Variants in MCF2L observed in about 807,000 individuals in gnomAD.
The protein encoded by MCF2L is guanine nucleotide exchange factor DBS.
A neutral mutation model predicts 153.4 loss-of-function variants in MCF2L; 97 were observed. The ratio of observed to expected loss-of-function variants is 0.63; its 90% CI spans 0.54 to 0.75. MCF2L has a LOEUF of 0.75. Among genes scored for constraint, MCF2L ranks in the 30% least tolerant of loss-of-function variants. The pLI, the probability that MCF2L is intolerant of heterozygous loss-of-function variation, is 0.00. For missense variants in MCF2L, 1,347 were observed against 1,495.2 expected, an observed-to-expected ratio of 0.90 and a Z score of 1.64; for synonymous variants, 659 against 632.2, an observed-to-expected ratio of 1.04 and a Z score of -0.64.
intron 2 of MCF2L, among the ~76,000 whole-genome samples, chr13:112,959,520 G>T (rs370756704): frequency 1.6e-4 from 25 of 152,116 alleles, no homozygotes; most frequent in East Asian, 9.6e-4. Context: ...GGGTCATCCT[G>T]GGGGGAGAAC....
intron 1 of MCF2L, among the ~76,000 whole-genome samples, chr13:112,895,648 G>A (rs777025409): frequency 4.6e-5 from 7 of 152,186 alleles, no homozygotes; most frequent in Non-Finnish European, 7.3e-5. Flanking sequence ...ACGGGACCCC[G>A]GGAGCCTGTG....
In MCF2L at chr13:112,943,915, A is replaced by T. The variant is rs1425769426; in HGVS notation, c.169+41544A>T. Among the ~76,000 whole-genome samples the T allele has an allele frequency of 6.6e-6, 1 of 150,658 alleles. No individual in the cohort carries two copies. Among genetic ancestry groups the T allele is most frequent in the African/African-American group, 2.5e-5 (1 of 40,256 alleles). ...AGAGGGAGACGCTCTCGGGCCTCTC[A>T]GACCAGCATTGAGGAGCTGAGCCCT... On this transcript the variant is annotated intron_variant, in intron 2 of 29. Coordinates refer to the MCF2L transcript ENST00000375608. The surrounding 1 kb of genome is among the most constrained non-coding windows in gnomAD (Gnocchi z 4.2).
chr13:112,966,864 G>C (rs2081899334), upstream of MCF2L, among the ~76,000 whole-genome samples: 1 of 152,214 alleles, frequency 6.6e-6, no homozygotes, highest in Non-Finnish European at 1.5e-5. This position sits in a 1 kb window ranked among gnomAD's most constrained non-coding sequence, Gnocchi z 4.1. Flanking sequence ...AATTTTGCTA[G>C]AAATGCACAT....
At chr13:112,905,107 G>C (rs549845030) in intron 2 of MCF2L, among the ~76,000 whole-genome samples, 3 of 152,160 alleles carry the variant, frequency 2.0e-5, no homozygotes, top group Non-Finnish European at 4.4e-5. Context: ...ATAAGAACTC[G>C]GAGTTGCAAA....
At chr13:112,968,360 GC>G, upstream of MCF2L, 5 of 1,430,328 alleles carry the variant, frequency 3.5e-6, no homozygotes, top group Non-Finnish European at 4.7e-6. Context: ...CTTGCATATG[GC>G]CCTGTGATGG....
chr13:113,086,116 C>G lies in MCF2L; in HGVS notation c.2248-8C>G, dbSNP rs1248073027. ...CCCGACGCGGTTGCCTCACCCCATG[C>G]CCCTCAGGAAATGCTGAAATACAGC... On this transcript the variant is annotated splice_region_variant and splice_polypyrimidine_tract_variant and intron_variant, in intron 20 of 29. Transcript: ENST00000535094. 1 of 1,603,168 alleles carries G rather than the reference C, an allele frequency of 6.2e-7. No individual in the cohort carries two copies. The highest frequency in any genetic ancestry group is 2.3e-5 in the East Asian group (1 of 43,842).
intron 3 of MCF2L, among the ~76,000 whole-genome samples, chr13:113,025,953 C>A (rs1471730409): frequency 2.2e-5 from 1 of 45,262 alleles, no homozygotes. Context: ...GTGAGATTTC[C>A]CCGTCATGGG....
At chr13:112,910,482 T>C (rs1041317446) in intron 2 of MCF2L, 1 of 152,252 alleles carries the variant, frequency 6.6e-6, no homozygotes, top group African/African-American at 2.4e-5. Flanking sequence ...TAATTCTCCC[T>C]GGCACATCTT....
chr13:113,030,804 C>T (rs1566767294), intron 3 of MCF2L, among the ~76,000 whole-genome samples: 1 of 152,190 alleles, frequency 6.6e-6, no homozygotes, highest in Non-Finnish European at 1.5e-5. Context: ...AGATTCCAGA[C>T]CCTGTATGGC....
intron 1 of MCF2L, among the ~76,000 whole-genome samples, chr13:113,008,240 G>A (rs748702268): frequency 6.6e-6 from 1 of 152,214 alleles, no homozygotes; most frequent in Non-Finnish European, 1.5e-5. Context: ...CTTTTTGGCA[G>A]TGTGAAGAAT....
intron 1 of MCF2L, among the ~76,000 whole-genome samples, chr13:112,977,169 TA>T (rs1054160348): frequency 6.6e-6 from 1 of 152,200 alleles, no homozygotes; most frequent in African/African-American, 2.4e-5. Context: ...AAGACTCTTT[TA>T]CTGCCAAAAA....
Position 113,014,056 on chromosome 13 carries a change from G to A in MCF2L, c.80-707G>A, listed in dbSNP as rs972293699. On this transcript the variant is annotated intron_variant, in intron 1 of 29. Transcript: ENST00000535094. The stretch of plus-strand genomic sequence containing the variant: ...CTAGCTGGTGCTGACCCCATGCTCC[G>A]AGCTGACGCTGGCCTAGTGCTCCCA... 5.9e-5 allele frequency among the ~76,000 whole-genome samples: 9 copies of A among 152,000 alleles called. No individual in the cohort carries two copies. The East Asian group carries it at 7.7e-4, about 13-fold the overall frequency.
intron 2 of MCF2L, among the ~76,000 whole-genome samples, chr13:112,953,464 A>C (rs1310010616): frequency 6.6e-6 from 1 of 152,156 alleles, no homozygotes; most frequent in Non-Finnish European, 1.5e-5. Context: ...AAACAAGCTA[A>C]CCGGTATGCA....
At chr13:113,065,729 C>G (rs1330684574) in intron 7 of MCF2L, among the ~76,000 whole-genome samples, 1 of 152,244 alleles carries the variant, frequency 6.6e-6, no homozygotes, top group Admixed American at 6.5e-5. Context: ...CGGGCCGCTC[C>G]ACCGTGAGGA....
Position 113,020,411 on chromosome 13 carries a change from G to A in MCF2L, c.164-4233G>A, listed in dbSNP as rs369065553. On this transcript the variant is annotated intron_variant, in intron 2 of 29. Coordinates refer to ENST00000535094, the MANE Select transcript of MCF2L (RefSeq NM_001112732.3). ...TGCCTCCTGCCCAGGACGCGTGTGC[G>A]TGTGTGTATCTACCTGTGTGTCTCA... Among the ~76,000 whole-genome samples the A allele has an allele frequency of 2.5e-3, 386 of 152,350 alleles. 1 individual carries two copies. Among genetic ancestry groups the A allele is most frequent in the South Asian group, 0.014 (66 of 4,832 alleles).
intron 1 of MCF2L, among the ~76,000 whole-genome samples, chr13:112,979,009 A>C (rs2082306955): frequency 6.6e-6 from 1 of 152,220 alleles, no homozygotes; most frequent in African/African-American, 2.4e-5. Context: ...CATGGGGCAG[A>C]GGGTGGGAGC....
intron 1 of MCF2L, among the ~76,000 whole-genome samples, chr13:113,000,827 G>C (rs910044200): frequency 6.6e-6 from 1 of 152,202 alleles, no homozygotes; most frequent in Non-Finnish European, 1.5e-5. Context: ...AAGAGGCCGG[G>C]GCCAGCAGGG....
At chr13:112,917,461 C>T (rs2081305963) in intron 2 of MCF2L, 1 of 328,258 alleles carries the variant, frequency 3.0e-6, no homozygotes, top group South Asian at 2.5e-5. Context: ...TGAGGTCGCG[C>T]TGCCTCTGCG....
At chr13:112,980,678 A>G (rs1000020208) in intron 1 of MCF2L, among the ~76,000 whole-genome samples, 3 of 4,622 alleles carry the variant, frequency 6.5e-4, no homozygotes, top group Admixed American at 5.6e-3. Context: ...TTGGGCACGG[A>G]CAGAGCCTGT....
Sources: gnomAD v4.1 joint callset for allele counts (sites outside exome capture counted in the v4.1 genomes callset) on GRCh38, gnomAD v4.1.1 for gene constraint, Gnocchi (gnomAD v3.1) non-coding constraint, MANE v1.5 for transcripts, NCBI Gene and HGNC (gene_info 2026-07-23, HGNC 2026-07-21) for gene names.